The following C1orf21 variants were observed in gnomAD, a reference collection of about 807,000 sequenced individuals.
C1orf21 encodes chromosome 1 open reading frame 21, also known as uncharacterized protein C1orf21.
In C1orf21, 3 loss-of-function variants were observed where a neutral mutation model predicts 18.7. That is an observed-to-expected ratio of 0.16 (90% CI 0.07 to 0.42). The LOEUF (loss-of-function observed/expected upper bound fraction) is 0.42. Among genes scored for constraint, C1orf21 ranks in the 10% least tolerant of loss-of-function variants. The pLI is 0.99. For missense variants in C1orf21, 104 were observed against 143.6 expected (o/e 0.72, Z 1.41); for synonymous variants, 41 against 46.4 (o/e 0.88, Z 0.47).
chr1:184,562,496 T>C (rs1571278782), intron 3 of C1orf21, among the ~76,000 whole-genome samples: 1 of 152,326 alleles, frequency 6.6e-6, no homozygotes, highest in East Asian at 1.9e-4. Context: ...AGCAGCTGCA[T>C]GAAATATCTG....
At chr1:184,431,907 A>G (rs1348079371) in intron 1 of C1orf21, among the ~76,000 whole-genome samples, 1 of 152,264 alleles carries the variant, frequency 6.6e-6, no homozygotes, top group African/African-American at 2.4e-5. Flanking sequence ...TTATGCAGCA[A>G]ACAAACATGA....
At chr1:184,480,029 A>G (rs191824899) in intron 2 of C1orf21, among the ~76,000 whole-genome samples, 7 of 152,322 alleles carry the variant, frequency 4.6e-5, no homozygotes, top group African/African-American at 1.2e-4. Flanking sequence ...AAACCTTGCC[A>G]TCTAGGACTT....
chr1:184,570,485 A>G (rs1181845113), intron 3 of C1orf21, among the ~76,000 whole-genome samples: 1 of 152,212 alleles, frequency 6.6e-6, no homozygotes, highest in South Asian at 2.1e-4. Flanking sequence ...AGGCAGGGCA[A>G]ACAACTCTGG....
intron 1 of C1orf21, among the ~76,000 whole-genome samples, chr1:184,411,726 A>T (rs1656358601): frequency 6.6e-6 from 1 of 152,142 alleles, no homozygotes; most frequent in African/African-American, 2.4e-5. Flanking sequence ...CCAGCCGGTT[A>T]TGGGTATTTC....
chr1:184,493,215 G>A lies in C1orf21; in HGVS notation c.95-14373G>A, dbSNP rs1657843768. Reference sequence around the variant, plus strand: ...TCTTGGTTGGAACAGCCATAGCTGGGGAAGATGCCTGCTGGAGAGGACACA... The same window carrying A: ...TCTTGGTTGGAACAGCCATAGCTGGAGAAGATGCCTGCTGGAGAGGACACA... On this transcript the variant is annotated intron_variant, in intron 2 of 5. Coordinates refer to ENST00000235307, the MANE Select transcript of C1orf21 (RefSeq NM_030806.4). 2.0e-5 allele frequency among the ~76,000 whole-genome samples: 3 copies of A among 152,200 alleles called. No individual in the cohort carries two copies. The South Asian group carries it at 6.2e-4, about 32-fold the overall frequency.
rs1420842902 is a variant in C1orf21 at position 184,410,669 on chromosome 1, T to A, written c.-125+23301T>A. Among the ~76,000 whole-genome samples, 153 of 46,932 alleles carry A rather than the reference T, an allele frequency of 3.3e-3. 29 individuals carry two copies. Among genetic ancestry groups the A allele is most frequent in the African/African-American group, 0.013 (68 of 5,042 alleles). 30.8% of individuals were successfully genotyped at this position (46,932 alleles called of 152,430 possible). A position where few individuals can be genotyped will look rare whatever the true frequency, so the allele number is the denominator to read the frequency against. ...TATATATATATATATATATATTTTT[T>A]TTTTTTTTTTTTGAGATGGAGTTTC... On this transcript the variant is annotated intron_variant, in intron 1 of 5. Transcript: ENST00000235307.
chr1:184,429,831 G>C (rs1462673855), intron 1 of C1orf21, among the ~76,000 whole-genome samples: 3 of 152,036 alleles, frequency 2.0e-5, no homozygotes, highest in Non-Finnish European at 4.4e-5. Context: ...TTGTTTGGCT[G>C]GGCATGCTGG....
At position 184,619,374 on chromosome 1, in the gene C1orf21, C is replaced by T. The variant is rs1410576398; in HGVS notation, c.328-144C>T. On this transcript the variant is annotated intron_variant, in intron 5 of 5. Transcript: ENST00000235307. ...TGGCTAACATGTATTTATGACGTAG[C>T]TACCCCTGTGCCAGCTATCACTGAC... is the stretch of plus-strand genomic sequence containing the variant. 7 of 799,836 alleles carry T rather than the reference C, an allele frequency of 8.8e-6. No homozygotes were observed. In the East Asian group the frequency reaches 1.6e-4, roughly 18 times the overall value. 49.5% of individuals were successfully genotyped at this position (799,836 alleles called of 1,614,324 possible).
intron 3 of C1orf21, 30 bp downstream of exon 3, chr1:184,507,712 A>G (rs1658084489): frequency 6.5e-7 from 1 of 1,535,722 alleles, no homozygotes; most frequent in African/African-American, 1.4e-5. Flanking sequence ...CTTAACAATG[A>G]ATTTTGGTGA....
intron 3 of C1orf21, among the ~76,000 whole-genome samples, chr1:184,576,852 T>C (rs1558006711): frequency 6.6e-6 from 1 of 152,180 alleles, no homozygotes; most frequent in Non-Finnish European, 1.5e-5. Flanking sequence ...CCCAAATCCT[T>C]AATTTGTCTT....
chr1:184,617,109 G>C (rs1367671831), intron 5 of C1orf21, among the ~76,000 whole-genome samples: 1 of 152,102 alleles, frequency 6.6e-6, no homozygotes, highest in East Asian at 1.9e-4. Flanking sequence ...AGTAATAGTA[G>C]CATTAGCTAA....
At chr1:184,450,299 T>G (rs139201074) in intron 1 of C1orf21, among the ~76,000 whole-genome samples, 44 of 152,164 alleles carry the variant, frequency 2.9e-4, no homozygotes, top group Admixed American at 4.6e-4. Context: ...CTGGTGCCCC[T>G]CCAGACAGTG....
intron 1 of C1orf21, among the ~76,000 whole-genome samples, chr1:184,394,007 C>T (rs1388632215): frequency 6.6e-6 from 1 of 152,110 alleles, no homozygotes. Context: ...TGTTGGTTTC[C>T]TCTATAAGTT....
At chr1:184,525,760 A>T (rs1265992742) in intron 3 of C1orf21, among the ~76,000 whole-genome samples, 1 of 152,206 alleles carries the variant, frequency 6.6e-6, no homozygotes, top group African/African-American at 2.4e-5. Context: ...TTAAAACACA[A>T]GGATTTACAG....
chr1:184,451,462 ATTTTTTTTTTTTTT>A (rs374550435), intron 1 of C1orf21, among the ~76,000 whole-genome samples: 1 of 77,794 alleles, frequency 1.3e-5, no homozygotes, highest in Non-Finnish European at 2.6e-5. Flanking sequence ...GGCTAATTTA[ATTTTTTTTTTTTTT>A]TTTTTTTTTG....
At chr1:184,568,152 C>T (rs1659059565) in intron 3 of C1orf21, among the ~76,000 whole-genome samples, 1 of 152,190 alleles carries the variant, frequency 6.6e-6, no homozygotes, top group African/African-American at 2.4e-5. Context: ...AGGCATTCTC[C>T]TATCTGCTAG....
At chr1:184,508,555 A>C (rs1039743706) in intron 3 of C1orf21, among the ~76,000 whole-genome samples, 10 of 152,180 alleles carry the variant, frequency 6.6e-5, no homozygotes, top group African/African-American at 2.4e-4. Flanking sequence ...CTGCTACAGC[A>C]GAGGAATTTG....
chr1:184,590,248 T>C (rs929890239), intron 3 of C1orf21, among the ~76,000 whole-genome samples: 17 of 152,256 alleles, frequency 1.1e-4, no homozygotes, highest in African/African-American at 3.6e-4. Context: ...AGTAATTCAA[T>C]TGAATTCAAT....
At chr1:184,440,264 A>G (rs1006536147) in intron 1 of C1orf21, among the ~76,000 whole-genome samples, 1 of 152,112 alleles carries the variant, frequency 6.6e-6, no homozygotes, top group African/African-American at 2.4e-5. Context: ...ATTTTTTGAG[A>G]CGGAGTCTTG....
Sources: allele counts gnomAD v4.1 joint callset (sites outside exome capture counted in the v4.1 genomes callset), GRCh38; gene constraint gnomAD v4.1.1; transcripts MANE v1.5; gene names NCBI Gene and HGNC (gene_info 2026-07-23, HGNC 2026-07-21).